ZNF544: variants seen among roughly 807,000 people sequenced by gnomAD.
The protein encoded by ZNF544 is zinc finger protein 544.
In ZNF544, 10 loss-of-function variants were observed where a neutral mutation model predicts 13.5. The observed-to-expected ratio is 0.74, with a 90% CI of 0.46 to 1.25. The LOEUF (loss-of-function observed/expected upper bound fraction) is 1.25, where lower values mean the gene tolerates loss of function less well. Among genes scored for constraint, ZNF544 ranks in the 50% most tolerant of loss-of-function variants. The pLI is 0.00. For missense variants in ZNF544, 896 were observed against 845.6 expected (o/e 1.06, Z -0.74); for synonymous variants, 323 against 300.5 (o/e 1.07, Z -0.77).
intron 5 of ZNF544, among the ~76,000 whole-genome samples, chr19:58,275,669 C>T (rs1038132535): frequency 6.7e-6 from 1 of 150,188 alleles, no homozygotes; most frequent in Admixed American, 6.7e-5. Flanking sequence ...ATTAGCCAGG[C>T]ATGGTAGCAT....
chr19:58,273,626 A>G (rs1271008967), intron 5 of ZNF544, among the ~76,000 whole-genome samples: 9 of 145,502 alleles, frequency 6.2e-5, no homozygotes, highest in Admixed American at 2.8e-4. Flanking sequence ...GGAGGTGGAG[A>G]TTGCAGTGGG....
chr19:58,239,952 G>A (rs374947280), intron 3 of ZNF544, among the ~76,000 whole-genome samples: 4 of 151,788 alleles, frequency 2.6e-5, no homozygotes, highest in Admixed American at 6.6e-5. Context: ...ACGGGAGTCC[G>A]GGAGAGACCA....
At chr19:58,251,300 T>C (rs1405414412) in intron 6 of ZNF544, 1 of 519,002 alleles carries the variant, frequency 1.9e-6, no homozygotes, top group Admixed American at 1.9e-5. Flanking sequence ...TGGCTGTCTT[T>C]TAAACAGGTA....
chr19:58,248,051 C>A (rs1325308473), intron 6 of ZNF544, among the ~76,000 whole-genome samples: 3 of 151,848 alleles, frequency 2.0e-5, no homozygotes, highest in African/African-American at 7.3e-5. Context: ...CTAACTGGGA[C>A]TACAGGCACG....
At chr19:58,273,819 CAG>C (rs1478549639) in intron 5 of ZNF544, among the ~76,000 whole-genome samples, 4 of 151,842 alleles carry the variant, frequency 2.6e-5, no homozygotes, top group East Asian at 3.9e-4. Flanking sequence ...TCCCCCAAGA[CAG>C]AGTCTTGCTC....
chr19:58,269,951 C>T (rs2050428062), intron 5 of ZNF544, among the ~76,000 whole-genome samples: 1 of 152,010 alleles, frequency 6.6e-6, no homozygotes. Flanking sequence ...GCAGAACCTT[C>T]TCTAGAGAAA....
At chr19:58,241,164 T>TATATATATATATTTAA (rs2043611117) in intron 3 of ZNF544, among the ~76,000 whole-genome samples, 4 of 92,252 alleles carry the variant, frequency 4.3e-5, no homozygotes, top group Admixed American at 1.4e-4. Flanking sequence ...TATATTTAAA[T>TATATATATATATTTAA]ATATATATAT....
Position 58,261,582 on chromosome 19 carries a change from T to G in ZNF544, c.976T>G (p.Phe326Val). The G allele has an allele frequency of 6.2e-7, 1 of 1,614,192 alleles. No individual in the cohort carries two copies. Among genetic ancestry groups the G allele is most frequent in the African/African-American group, 1.3e-5 (1 of 75,056 alleles). Residue 326 changes from phenylalanine to valine, a missense_variant, in exon 7 of 7, where the codon TTC becomes GTC. Phe to Val is a conservative substitution (Grantham distance 50, BLOSUM62 -1). Coordinates refer to ENST00000687789, the MANE Select transcript of ZNF544 (RefSeq NM_014480.4). ...AAGAAGTGGCCCTGGAGAGACCCCC[T>G]TCAGATGTGAGGAACGCTGTGCTGC... ...TERSGPGETP[F>V]RCEERCAAFP...
At chr19:58,246,500 C>T in intron 5 of ZNF544, 73 bp downstream of exon 5, 1 of 1,585,156 alleles carries the variant, frequency 6.3e-7, no homozygotes, top group Non-Finnish European at 8.6e-7. Context: ...GAAGGGTGTT[C>T]TGGGATGTGC....
chr19:58,277,300 G>C, exon 7 of ZNF544: 1 of 1,182,158 alleles, frequency 8.5e-7, no homozygotes, highest in Non-Finnish European at 1.0e-6. Flanking sequence ...GCCAGCTTGA[G>C]CCCCTCGGGA....
At chr19:58,253,097 C>T (rs948935829) in intron 6 of ZNF544, among the ~76,000 whole-genome samples, 2 of 152,180 alleles carry the variant, frequency 1.3e-5, no homozygotes, top group Admixed American at 1.3e-4. Flanking sequence ...GGATTATAGG[C>T]GTGAGCCACC....
intron 6 of ZNF544, 89 bp from the exon 7 acceptor site, chr19:58,260,762 T>C: frequency 8.2e-7 from 1 of 1,215,938 alleles, no homozygotes; most frequent in Non-Finnish European, 1.1e-6. Flanking sequence ...CCAGAGACAC[T>C]TCCATTAAAC....
intron 5 of ZNF544, among the ~76,000 whole-genome samples, chr19:58,269,963 T>C (rs1376006266): frequency 6.6e-6 from 1 of 152,002 alleles, no homozygotes; most frequent in Non-Finnish European, 1.5e-5. Context: ...CTAGAGAAAA[T>C]AGTTTTGAAT....
chr19:58,238,972 TC>T (rs1193494149), intron 3 of ZNF544, among the ~76,000 whole-genome samples: 1 of 152,114 alleles, frequency 6.6e-6, no homozygotes, highest in Non-Finnish European at 1.5e-5. Flanking sequence ...GAGTTTCTTC[TC>T]CTTGTGCAGG....
At chr19:58,248,191 C>A (rs945694127) in intron 6 of ZNF544, among the ~76,000 whole-genome samples, 5 of 148,422 alleles carry the variant, frequency 3.4e-5, no homozygotes, top group African/African-American at 1.2e-4. Context: ...GGATTACAGG[C>A]GTGAGCCACT....
At position 58,262,675 on chromosome 19, in the gene ZNF544, G is replaced by A. The variant is rs1353305221; in HGVS notation, c.2069G>A (p.Cys690Tyr). ...RIHSGEKPYECSDCGKSFRQQ... is the reference protein window; with the variant it reads ...RIHSGEKPYEYSDCGKSFRQQ... ...CATTCTGGAGAGAAACCCTATGAAT[G>A]TAGTGACTGTGGGAAATCCTTCCGG... is the stretch of plus-strand genomic sequence containing the variant. The change falls in exon 7 of 7, where the codon TGT (cysteine) becomes TAT (tyrosine). Residue 690 changes from cysteine to tyrosine, a missense_variant. Transcript: ENST00000687789. 4 of 1,612,934 alleles carry A rather than the reference G, an allele frequency of 2.5e-6. No individual in the cohort carries two copies. In the Admixed American group the frequency reaches 6.7e-5, roughly 27 times the overall value.
In ZNF544 at chr19:58,262,064, C is replaced by T; in HGVS notation, c.1458C>T (p.His486=). Residue 486 remains histidine, a synonymous_variant, in exon 7 of 7, where the codon CAC becomes CAT. Transcript: ENST00000687789. ...SYELVTHKRT[H]TGEKPFKCTQ... is the part of the protein sequence containing the mutation. ...AGTTAGTTACACATAAAAGAACGCA[C>T]ACTGGAGAAAAACCCTTCAAATGTA... 3 of 1,611,618 alleles carry T rather than the reference C, an allele frequency of 1.9e-6. No homozygotes were observed. The highest frequency in any genetic ancestry group is 2.5e-6 in the Non-Finnish European group (3 of 1,179,596).
At chr19:58,241,185 T>TAATATATATATATATA (rs1568461182) in intron 3 of ZNF544, among the ~76,000 whole-genome samples, 1 of 55,388 alleles carries the variant, frequency 1.8e-5, no homozygotes, top group African/African-American at 7.0e-5. Context: ...ATATATTTTT[T>TAATATATATATATATA]TTTTTTTGTA....
intron 3 of ZNF544, among the ~76,000 whole-genome samples, chr19:58,238,412 T>C (rs1486209467): frequency 6.6e-6 from 1 of 152,114 alleles, no homozygotes; most frequent in East Asian, 1.9e-4. Context: ...AAACCCACCG[T>C]GGTAACCCGC....
Sources: allele counts gnomAD v4.1 joint callset (sites outside exome capture counted in the v4.1 genomes callset), GRCh38; gene constraint gnomAD v4.1.1; transcripts MANE v1.5; gene names NCBI Gene and HGNC (gene_info 2026-07-23, HGNC 2026-07-21).